Variants in GUCY1A2 observed in about 807,000 individuals in gnomAD.
GUCY1A2 encodes guanylate cyclase 1 soluble subunit alpha 2.
In GUCY1A2, 27 loss-of-function variants were observed where a neutral mutation model predicts 63.5. That is an observed-to-expected ratio of 0.43 (90% CI 0.31 to 0.59). The LOEUF (loss-of-function observed/expected upper bound fraction) is 0.59, where lower values mean the gene tolerates loss of function less well. GUCY1A2 is among the 20% of genes least tolerant of loss of function. The probability of loss-of-function intolerance (pLI) is 0.11; values close to 1 mark genes in which losing one functional copy is unlikely to be tolerated. For missense variants in GUCY1A2, 768 were observed against 913.3 expected, an observed-to-expected ratio of 0.84 and a Z score of 2.05; for synonymous variants, 364 against 343.5, an observed-to-expected ratio of 1.06 and a Z score of -0.66.
chr11:106,808,310 CTTG>C (rs1299977436), intron 5 of GUCY1A2, among the ~76,000 whole-genome samples: 1 of 151,864 alleles, frequency 6.6e-6, no homozygotes, highest in Admixed American at 6.6e-5. Flanking sequence ...TAAGTTAAAA[CTTG>C]TTGATTATTA....
intron 4 of GUCY1A2, among the ~76,000 whole-genome samples, chr11:106,882,025 C>T (rs1859830800): frequency 6.6e-6 from 1 of 151,886 alleles, no homozygotes. Context: ...TTTTTCTCCA[C>T]TGGAAATTTT....
At chr11:106,876,455 T>C (rs1859750453) in intron 4 of GUCY1A2, among the ~76,000 whole-genome samples, 1 of 152,120 alleles carries the variant, frequency 6.6e-6, no homozygotes, top group African/African-American at 2.4e-5. Flanking sequence ...TAGAAATGCA[T>C]TGTATCCAAC....
chr11:106,830,372 G>A (rs967051366), intron 4 of GUCY1A2, among the ~76,000 whole-genome samples: 3 of 152,130 alleles, frequency 2.0e-5, no homozygotes, highest in Non-Finnish European at 4.4e-5. Flanking sequence ...GGTTATTACT[G>A]AATGTCAACT....
chr11:106,938,186 T>C (rs10736435), intron 4 of GUCY1A2, among the ~76,000 whole-genome samples: 129,691 of 152,080 alleles, frequency 0.85, 55,903 homozygotes, highest in East Asian at 1. Flanking sequence ...GTGATCGATC[T>C]GCCCACCTCG....
At position 106,800,438 on chromosome 11, in the gene GUCY1A2, C is replaced by T. The variant is rs549392435; in HGVS notation, c.1692+9555G>A. Among the ~76,000 whole-genome samples the T allele has an allele frequency of 3.9e-5, 6 of 152,252 alleles. No homozygotes were observed. In the East Asian group the frequency reaches 1.2e-3, roughly 29 times the overall value. The stretch of plus-strand genomic sequence containing the variant: ...ATGCTGCTATAAAGACACATGCACA[C>T]ATATGTTCATTGCGGCACTATTCAC... On this transcript the variant is annotated intron_variant, in intron 5 of 7. Coordinates refer to ENST00000526355, the MANE Select transcript of GUCY1A2 (RefSeq NM_000855.3).
intron 3 of GUCY1A2, among the ~76,000 whole-genome samples, chr11:106,962,456 G>A (rs1861070338): frequency 1.3e-5 from 2 of 151,686 alleles, no homozygotes; most frequent in African/African-American, 2.4e-5. Context: ...TTGGGAGGCT[G>A]AGGCAGGAGA....
At chr11:106,840,393 C>T (rs143216382) in intron 4 of GUCY1A2, among the ~76,000 whole-genome samples, 1 of 152,040 alleles carries the variant, frequency 6.6e-6, no homozygotes, top group East Asian at 1.9e-4. Flanking sequence ...ATACCATCTG[C>T]ATAAACGCTT....
intron 6 of GUCY1A2, among the ~76,000 whole-genome samples, chr11:106,738,694 A>G (rs1863633422): frequency 6.6e-6 from 1 of 152,122 alleles, no homozygotes; most frequent in Non-Finnish European, 1.5e-5. Flanking sequence ...CAAAGATTAG[A>G]TGGTGGTAGA....
intron 4 of GUCY1A2, chr11:106,936,739 G>T (rs184551613): frequency 7.9e-6 from 11 of 1,400,352 alleles, no homozygotes; most frequent in East Asian, 2.5e-5. Flanking sequence ...TATGGCAGAC[G>T]TAGTGGTTCA....
chr11:106,741,905 C>A (rs1863701110), intron 6 of GUCY1A2, among the ~76,000 whole-genome samples: 1 of 152,188 alleles, frequency 6.6e-6, no homozygotes, highest in African/African-American at 2.4e-5. Flanking sequence ...GACTTGCATT[C>A]ACTTCCACAT....
In GUCY1A2 at chr11:106,817,533, C is replaced by T. The variant is rs926761660; in HGVS notation, c.1207-7055G>A. ...TCTATCAAATTAAAAAGCTTCAGCA[C>T]AGCAAAGGAAACATCAACAGTGTGA... is the stretch of plus-strand genomic sequence containing the variant. On this transcript the variant is annotated intron_variant, in intron 4 of 7. Transcript: ENST00000526355. 2.0e-5 allele frequency among the ~76,000 whole-genome samples: 3 copies of T among 151,942 alleles called. No homozygotes were observed. In the South Asian group the frequency reaches 6.2e-4, roughly 31 times the overall value.
chr11:106,878,918 G>T (rs766853463), intron 4 of GUCY1A2, among the ~76,000 whole-genome samples: 4 of 151,866 alleles, frequency 2.6e-5, no homozygotes, highest in Non-Finnish European at 5.9e-5. Context: ...CTGACCTACA[G>T]AACAATAAGA....
At chr11:106,843,308 A>G (rs1479268821) in intron 4 of GUCY1A2, among the ~76,000 whole-genome samples, 1 of 151,920 alleles carries the variant, frequency 6.6e-6, no homozygotes, top group Non-Finnish European at 1.5e-5. Flanking sequence ...GGTGAGAAAT[A>G]GAAGACTACA....
chr11:106,896,022 AT>A lies in GUCY1A2; in HGVS notation c.1206+43437del, dbSNP rs569825372. 7.3e-3 allele frequency among the ~76,000 whole-genome samples: 1,030 copies of A among 141,212 alleles called. 2 individuals carry two copies. The highest frequency in any genetic ancestry group is 0.011 in the Non-Finnish European group (727 of 65,166). The allele number at this position is 141,212 out of a possible 152,430, so 92.6% of individuals were successfully genotyped here. A position where few individuals can be genotyped will look rare whatever the true frequency, so the allele number is the denominator to read the frequency against. ...AGACTCTGTCTCAAAAAAAAAAAAA[AT>A]ATATATATATAGTATACATATATAC... is the stretch of plus-strand genomic sequence containing the variant. On this transcript the variant is annotated intron_variant, in intron 4 of 7. Coordinates refer to ENST00000526355, the MANE Select transcript of GUCY1A2 (RefSeq NM_000855.3).
At chr11:106,886,421 A>G (rs1859901414) in intron 4 of GUCY1A2, among the ~76,000 whole-genome samples, 1 of 152,094 alleles carries the variant, frequency 6.6e-6, no homozygotes, top group Non-Finnish European at 1.5e-5. Context: ...CTGCCTACAT[A>G]TTTCTTTCTC....
intron 4 of GUCY1A2, among the ~76,000 whole-genome samples, chr11:106,916,051 A>T (rs2119883894): frequency 6.9e-6 from 1 of 145,846 alleles, no homozygotes; most frequent in South Asian, 2.4e-4. Context: ...AAATGCACTA[A>T]CATCAGCACA....
At chr11:106,759,404 G>C (rs1864027146) in intron 6 of GUCY1A2, among the ~76,000 whole-genome samples, 1 of 152,190 alleles carries the variant, frequency 6.6e-6, no homozygotes. Context: ...TAGGAGCCAT[G>C]TTGAGATAGG....
At chr11:106,767,889 AATAAAAAT>A (rs745698308) in intron 6 of GUCY1A2, among the ~76,000 whole-genome samples, 7 of 149,354 alleles carry the variant, frequency 4.7e-5, no homozygotes, top group Non-Finnish European at 9.0e-5. Context: ...GTGCTCAATA[AATAAAAAT>A]AATTAAATAG....
At chr11:106,841,111 T>C (rs1299995544) in intron 4 of GUCY1A2, among the ~76,000 whole-genome samples, 2 of 151,880 alleles carry the variant, frequency 1.3e-5, no homozygotes, top group Non-Finnish European at 2.9e-5. Context: ...CTTTGTTAAA[T>C]ATGCCATGAT....
Sources: allele counts gnomAD v4.1 joint callset (sites outside exome capture counted in the v4.1 genomes callset), GRCh38; gene constraint gnomAD v4.1.1; transcripts MANE v1.5; gene names NCBI Gene and HGNC (gene_info 2026-07-23, HGNC 2026-07-21).